Variants in MAGI2 observed in about 807,000 individuals in gnomAD.
MAGI2 encodes the protein membrane-associated guanylate kinase, WW and PDZ domain-containing protein 2.
Under a neutral mutation model 133.3 loss-of-function variants are expected in MAGI2, and 35 were observed. The ratio of observed to expected loss-of-function variants is 0.26; its 90% CI spans 0.20 to 0.35. The LOEUF (loss-of-function observed/expected upper bound fraction) is 0.35, where lower values mean the gene tolerates loss of function less well. Ranked by LOEUF, MAGI2 falls within the 10% of genes least tolerant of loss-of-function variation. MAGI2 has a pLI of 1.00. For missense variants in MAGI2, 1,636 were observed against 1,863.4 expected (o/e 0.88, Z 2.25); for synonymous variants, 729 against 710.6 (o/e 1.03, Z -0.41).
chr7:78,971,072 T>G (rs1396688706), intron 2 of MAGI2, among the ~76,000 whole-genome samples: 1 of 152,078 alleles, frequency 6.6e-6, no homozygotes, highest in Non-Finnish European at 1.5e-5. Flanking sequence ...ATAGTTTACT[T>G]ACAATAAGCA....
At chr7:78,056,332 G>T (rs1812558614) in intron 21 of MAGI2, among the ~76,000 whole-genome samples, 3 of 152,006 alleles carry the variant, frequency 2.0e-5, no homozygotes, top group Non-Finnish European at 4.4e-5. Context: ...ATACCCAAAG[G>T]AATATAAATC....
chr7:78,372,560 GA>G (rs528360890), intron 6 of MAGI2, among the ~76,000 whole-genome samples: 95 of 152,128 alleles, frequency 6.2e-4, no homozygotes, highest in African/African-American at 2.2e-3. Flanking sequence ...GATGCAACAG[GA>G]AAAAATAAAC....
chr7:78,847,456 G>T (rs544639771), intron 2 of MAGI2, among the ~76,000 whole-genome samples: 2 of 152,072 alleles, frequency 1.3e-5, no homozygotes, highest in South Asian at 4.1e-4. Flanking sequence ...TCATACATGT[G>T]TCAAAATAAT....
intron 2 of MAGI2, among the ~76,000 whole-genome samples, chr7:78,642,620 T>C (rs1022667237): frequency 6.6e-6 from 1 of 152,210 alleles, no homozygotes; most frequent in Admixed American, 6.5e-5. Flanking sequence ...GGCTGACGAA[T>C]ATGTCAAAGT....
chr7:78,129,278 C>G (rs888779346), intron 18 of MAGI2, among the ~76,000 whole-genome samples: 3 of 152,136 alleles, frequency 2.0e-5, no homozygotes, highest in South Asian at 2.1e-4. Flanking sequence ...TGTCGTGTGT[C>G]AGGATTTTAA....
At chr7:78,198,357 G>A (rs1300853823) in intron 11 of MAGI2, among the ~76,000 whole-genome samples, 1 of 151,712 alleles carries the variant, frequency 6.6e-6, no homozygotes, top group Non-Finnish European at 1.5e-5. Flanking sequence ...ATATCAGTGA[G>A]CAGCCTGGAT....
chr7:78,017,352 C>A lies in MAGI2; in HGVS notation c.*1963G>T, dbSNP rs1807881791. ...TTACAGCCGCATAAAGCAATTACTG[C>A]ACAAGTAGTAGCTGTGAACTGTGCA... On this transcript the variant is annotated 3_prime_UTR_variant, in exon 22 of 22. Transcript: ENST00000354212. 1 of 152,640 alleles carries A rather than the reference C, an allele frequency of 6.6e-6. No individual in the cohort carries two copies. Among genetic ancestry groups the A allele is most frequent in the South Asian group, 2.1e-4 (1 of 4,834 alleles). 9.5% of individuals were successfully genotyped at this position (152,640 alleles called of 1,614,324 possible).
intron 20 of MAGI2, among the ~76,000 whole-genome samples, chr7:78,111,643 C>G (rs1326055896): frequency 6.6e-6 from 1 of 152,192 alleles, no homozygotes; most frequent in Non-Finnish European, 1.5e-5. Context: ...ACACAGTGCT[C>G]ATAGGTCAGA....
At chr7:78,921,250 T>C (rs1325299523) in intron 2 of MAGI2, among the ~76,000 whole-genome samples, 1 of 152,162 alleles carries the variant, frequency 6.6e-6, no homozygotes, top group Non-Finnish European at 1.5e-5. Flanking sequence ...CACTTTTATG[T>C]AGTCTGTGTT....
intron 1 of MAGI2, among the ~76,000 whole-genome samples, chr7:79,161,425 G>A (rs772579212): frequency 5.9e-5 from 9 of 152,064 alleles, no homozygotes; most frequent in Non-Finnish European, 1.2e-4. Flanking sequence ...GACTGAACTA[G>A]AGAATTTCCA....
intron 2 of MAGI2, among the ~76,000 whole-genome samples, chr7:78,855,893 T>C (rs1393079818): frequency 6.6e-6 from 1 of 152,218 alleles, no homozygotes; most frequent in African/African-American, 2.4e-5. Flanking sequence ...TGTTCCTGTT[T>C]CTCCACATCC....
chr7:78,089,929 G>A (rs1345009543), intron 20 of MAGI2, among the ~76,000 whole-genome samples: 1 of 152,150 alleles, frequency 6.6e-6, no homozygotes, highest in East Asian at 1.9e-4. Flanking sequence ...TTGACATGAG[G>A]TGTAAATCCT....
chr7:78,993,534 T>C (rs1490294735), intron 2 of MAGI2, among the ~76,000 whole-genome samples: 1 of 152,072 alleles, frequency 6.6e-6, no homozygotes, highest in East Asian at 1.9e-4. Flanking sequence ...TCACAGGAAG[T>C]TGTGGCAATT....
intron 2 of MAGI2, among the ~76,000 whole-genome samples, chr7:78,954,645 T>C (rs1010296130): frequency 1.3e-5 from 2 of 152,196 alleles, no homozygotes; most frequent in African/African-American, 4.8e-5. Flanking sequence ...ATGCTCACTT[T>C]TAAAGTTCTG....
intron 3 of MAGI2, among the ~76,000 whole-genome samples, chr7:78,592,428 C>T (rs1290146269): frequency 5.9e-5 from 9 of 151,310 alleles, no homozygotes; most frequent in Admixed American, 5.9e-4. Context: ...CTCTGCTCTC[C>T]TGGGTTAGCA....
chr7:79,014,158 T>C (rs1808454483), intron 1 of MAGI2, among the ~76,000 whole-genome samples: 1 of 152,190 alleles, frequency 6.6e-6, no homozygotes, highest in African/African-American at 2.4e-5. Flanking sequence ...ATGTAAATGG[T>C]TTATAATATT....
intron 2 of MAGI2, among the ~76,000 whole-genome samples, chr7:78,698,373 G>T (rs1033907215): frequency 6.6e-6 from 1 of 152,098 alleles, no homozygotes; most frequent in Non-Finnish European, 1.5e-5. Context: ...TACAACAAAG[G>T]TCCACAACAC....
At chr7:78,668,516 T>G (rs568565256) in intron 2 of MAGI2, among the ~76,000 whole-genome samples, 120 of 151,618 alleles carry the variant, frequency 7.9e-4, no homozygotes, top group African/African-American at 2.7e-3. Context: ...CTAGGGTTTT[T>G]ATGGTTTTAG....
At chr7:79,052,921 G>C (rs562603094) in intron 1 of MAGI2, among the ~76,000 whole-genome samples, 1 of 152,068 alleles carries the variant, frequency 6.6e-6, no homozygotes. Flanking sequence ...CTTTAATATA[G>C]TTGAAATGAA....
Sources: allele counts gnomAD v4.1 joint callset (sites outside exome capture counted in the v4.1 genomes callset), GRCh38; gene constraint gnomAD v4.1.1; transcripts MANE v1.5; gene names NCBI Gene and HGNC (gene_info 2026-07-23, HGNC 2026-07-21).